Variants in BCL11A observed in about 807,000 individuals in gnomAD.
BCL11A encodes BCL11 transcription factor A.
In BCL11A, 2 loss-of-function variants were observed where a neutral mutation model predicts 55.9. The observed-to-expected ratio is 0.04, with a 90% CI of 0.01 to 0.11. The LOEUF (loss-of-function observed/expected upper bound fraction) is 0.11. Ranked by LOEUF, BCL11A falls within the 10% of genes least tolerant of loss-of-function variation. The pLI is 1.00. For synonymous variants in BCL11A, 465 were observed against 473.4 expected (o/e 0.98, Z 0.23); for missense variants, 817 against 1,137.1 (o/e 0.72, Z 4.05).
intron 2 of BCL11A, among the ~76,000 whole-genome samples, chr2:60,509,545 G>A (rs1679861549): frequency 1.3e-5 from 2 of 152,182 alleles, no homozygotes; most frequent in South Asian, 4.1e-4. Context: ...CAGCTCGATG[G>A]TCTACCTGAG....
intron 1 of BCL11A, among the ~76,000 whole-genome samples, chr2:60,547,693 G>T (rs1388337668): frequency 6.6e-6 from 1 of 152,120 alleles, no homozygotes; most frequent in Admixed American, 6.5e-5. Context: ...TAATTTGAGT[G>T]TAGAATATTG....
intron 2 of BCL11A, among the ~76,000 whole-genome samples, chr2:60,500,718 G>A (rs753893377): frequency 1.4e-4 from 22 of 152,090 alleles, no homozygotes; most frequent in Non-Finnish European, 2.5e-4. Context: ...ACTCACAGTC[G>A]GGGCACCTCA....
At chr2:60,550,567 G>A (rs1670366273) in intron 1 of BCL11A, among the ~76,000 whole-genome samples, 1 of 151,924 alleles carries the variant, frequency 6.6e-6, no homozygotes, top group South Asian at 2.1e-4. Context: ...GCGGGGGGCG[G>A]GGGGGTGGTA....
intron 3 of BCL11A, among the ~76,000 whole-genome samples, chr2:60,466,056 C>T (rs377393935): frequency 6.6e-6 from 1 of 152,140 alleles, no homozygotes; most frequent in Non-Finnish European, 1.5e-5. Context: ...TTTCTGGACC[C>T]CCACAACCCA....
chr2:60,489,722 C>T lies in BCL11A; in HGVS notation c.386-20889G>A, dbSNP rs1013402060. Among the ~76,000 whole-genome samples the T allele has an allele frequency of 3.9e-5, 6 of 152,306 alleles. No homozygotes were observed. In the South Asian group the frequency reaches 1.0e-3, roughly 26 times the overall value. The stretch of plus-strand genomic sequence containing the variant: ...TGGCTCATCTCCTGAGCCCCCGGGC[C>T]GTTCTCCTTTCCAACTGTCTATTTA... On this transcript the variant is annotated intron_variant, in intron 2 of 3. Coordinates refer to ENST00000642384, the MANE Select transcript of BCL11A (RefSeq NM_022893.4).
chr2:60,457,918 T>A lies in BCL11A; in HGVS notation c.*2486A>T. The A allele has an allele frequency of 9.5e-7, 1 of 1,047,348 alleles. No individual in the cohort carries two copies. Among genetic ancestry groups the A allele is most frequent in the Non-Finnish European group, 1.2e-6 (1 of 867,898 alleles). 64.9% of individuals were successfully genotyped at this position (1,047,348 alleles called of 1,614,324 possible). ...TCCCCCAAACCGCCATTATATGGCT[T>A]CTCATCTGTAATGTCACACTTTTTT... On this transcript the variant is annotated 3_prime_UTR_variant, in exon 4 of 4. Transcript: ENST00000642384.
intron 2 of BCL11A, among the ~76,000 whole-genome samples, chr2:60,486,843 G>C (rs537281887): frequency 6.6e-6 from 1 of 152,132 alleles, no homozygotes; most frequent in South Asian, 2.1e-4. Context: ...AGACTACTGC[G>C]AATCACTCTG....
At position 60,459,304 on chromosome 2, in the gene BCL11A, T is replaced by C. The variant is rs1676102036; in HGVS notation, c.*1100A>G. 9.8e-7 allele frequency: 1 copy of C among 1,016,602 alleles called. No homozygotes were observed. Among genetic ancestry groups the C allele is most frequent in the Admixed American group, 5.9e-5 (1 of 17,070 alleles). 63.0% of individuals were successfully genotyped at this position (1,016,602 alleles called of 1,614,324 possible). ...TAAAAAGACATTATTAAAGCAAATA[T>C]CTTCATAAAATGAACTCCTTACTAG... On this transcript the variant is annotated 3_prime_UTR_variant, in exon 4 of 4. Coordinates refer to ENST00000642384, the MANE Select transcript of BCL11A (RefSeq NM_022893.4).
chr2:60,468,954 T>C (rs890604963), intron 2 of BCL11A, 121 bp from the exon 3 acceptor site: 3 of 635,066 alleles, frequency 4.7e-6, no homozygotes, highest in Non-Finnish European at 8.3e-6. Context: ...GCCTTGCAGA[T>C]AGTTAACAGG....
Position 60,552,844 on chromosome 2 carries a change from G to A in BCL11A, c.55+372C>T, listed in dbSNP as rs749569037. 1.3e-4 allele frequency among the ~76,000 whole-genome samples: 19 copies of A among 151,832 alleles called. 1 individual carries two copies. The highest frequency in any genetic ancestry group is 6.6e-4 in the Admixed American group (10 of 15,244). On this transcript the variant is annotated intron_variant, in intron 1 of 3. Coordinates refer to ENST00000642384, the MANE Select transcript of BCL11A (RefSeq NM_022893.4). ...CTCCCACCCCCAGGTTTGCATGTGAGTTGTTCGCAACCTTAGCATTGTTCA... is the reference window on the plus strand; with the variant it reads ...CTCCCACCCCCAGGTTTGCATGTGAATTGTTCGCAACCTTAGCATTGTTCA...
intron 3 of BCL11A, among the ~76,000 whole-genome samples, chr2:60,467,627 A>G (rs903611629): frequency 6.5e-4 from 15 of 22,994 alleles, no homozygotes; most frequent in African/African-American, 8.1e-4. Flanking sequence ...GGTGGTGGTA[A>G]TGGTGGTGGT....
chr2:60,485,747 G>C (rs1678239747), intron 2 of BCL11A, among the ~76,000 whole-genome samples: 1 of 152,190 alleles, frequency 6.6e-6, no homozygotes. Context: ...ATAAATACCA[G>C]CAATGCCCCT....
intron 2 of BCL11A, among the ~76,000 whole-genome samples, chr2:60,510,753 C>A (rs1679934266): frequency 6.6e-6 from 1 of 152,186 alleles, no homozygotes; most frequent in East Asian, 1.9e-4. Context: ...GGAGGCCACT[C>A]AATGCCATAT....
At chr2:60,503,837 TA>T (rs1679425276) in intron 2 of BCL11A, among the ~76,000 whole-genome samples, 1 of 152,222 alleles carries the variant, frequency 6.6e-6, no homozygotes, top group African/African-American at 2.4e-5. Context: ...TTTATTATTT[TA>T]ATAAAATTTT....
intron 2 of BCL11A, chr2:60,537,052 A>G (rs1669699181): frequency 6.6e-6 from 1 of 152,268 alleles, no homozygotes; most frequent in Non-Finnish European, 1.5e-5. Flanking sequence ...CAGCTCCAAG[A>G]TCAGAAGAAA....
downstream of BCL11A, among the ~76,000 whole-genome samples, chr2:60,455,917 G>A (rs1441276314): frequency 6.6e-6 from 1 of 152,044 alleles, no homozygotes; most frequent in African/African-American, 2.4e-5. Context: ...AACACATACA[G>A]TATATCTTTT....
At chr2:60,529,467 G>C (rs1573065321) in intron 2 of BCL11A, among the ~76,000 whole-genome samples, 1 of 152,148 alleles carries the variant, frequency 6.6e-6, no homozygotes, top group East Asian at 1.9e-4. Flanking sequence ...TGTAATCAAA[G>C]AGAAGAAGAA....
chr2:60,481,899 G>A (rs1456909606), intron 2 of BCL11A, among the ~76,000 whole-genome samples: 1 of 152,220 alleles, frequency 6.6e-6, no homozygotes, highest in East Asian at 1.9e-4. Context: ...CACACAGACA[G>A]CCCCATGGAA....
chr2:60,460,376 G>C lies in BCL11A; in HGVS notation c.*28C>G, dbSNP rs752998646. 1 of 1,558,876 alleles carries C rather than the reference G, an allele frequency of 6.4e-7. No homozygotes were observed. Among genetic ancestry groups the C allele is most frequent in the Admixed American group, 1.8e-5 (1 of 56,910 alleles). On this transcript the variant is annotated 3_prime_UTR_variant, in exon 4 of 4. Transcript: ENST00000642384. ...GTGGTGAAAAAGGGGGTGTCAGGTGGGAGTGAGGGAGGGGTATTAATATAC... is the reference window on the plus strand; with the variant it reads ...GTGGTGAAAAAGGGGGTGTCAGGTGCGAGTGAGGGAGGGGTATTAATATAC...
Sources: allele counts gnomAD v4.1 joint callset (sites outside exome capture counted in the v4.1 genomes callset), GRCh38; gene constraint gnomAD v4.1.1; transcripts MANE v1.5; gene names NCBI Gene and HGNC (gene_info 2026-07-23, HGNC 2026-07-21).